Variants in FBLN1 observed in about 807,000 individuals in gnomAD.
FBLN1 encodes fibulin-1.
A neutral mutation model predicts 89.7 loss-of-function variants in FBLN1; 34 were observed. That is an observed-to-expected ratio of 0.38 (90% confidence interval 0.29 to 0.50). FBLN1 has a LOEUF of 0.50. FBLN1 is among the 20% of genes least tolerant of loss of function. The pLI, the probability that FBLN1 is intolerant of heterozygous loss-of-function variation, is 0.92. For missense variants in FBLN1, 777 were observed against 988.1 expected (o/e 0.79, Z 2.86); for synonymous variants, 393 against 391.3 (o/e 1.00, Z -0.05).
rs746935261 is a variant in FBLN1 at position 45,563,161 on chromosome 22, C to T, written c.1698-11350C>T. The stretch of plus-strand genomic sequence containing the variant: ...TGGTGGCCCTCACCAAGCCTGTCCC[C>T]GAGCCCAGGGACTTGCTCCTGACCG... On this transcript the variant is annotated intron_variant, in intron 14 of 16. Transcript: ENST00000327858. This position sits in a 1 kb window ranked among gnomAD's most constrained non-coding sequence, Gnocchi z 5.7. 51 of 1,613,564 alleles carry T rather than the reference C, an allele frequency of 3.2e-5. No homozygotes were observed. The highest frequency in any genetic ancestry group is 3.6e-5 in the Non-Finnish European group (43 of 1,180,016).
intron 16 of FBLN1, among the ~76,000 whole-genome samples, chr22:45,598,806 G>A (rs950787975): frequency 6.6e-6 from 1 of 152,252 alleles, no homozygotes; most frequent in Non-Finnish European, 1.5e-5. Context: ...AGCTGGAGCT[G>A]ATGCCTTGGC....
chr22:45,532,329 C>G lies in FBLN1; in HGVS notation c.545-734C>G, dbSNP rs144739269. Among the ~76,000 whole-genome samples, 10 of 152,240 alleles carry G rather than the reference C, an allele frequency of 6.6e-5. No homozygotes were observed. The highest frequency in any genetic ancestry group is 3.4e-3 in the Middle Eastern group (1 of 294). ...GCTGGGAAAATAACCCTGAAACGGT[C>G]CTCAGGGAGACCTGAAGCCTTGTAA... On this transcript the variant is annotated intron_variant, in intron 5 of 16. Coordinates refer to ENST00000327858, the MANE Select transcript of FBLN1 (RefSeq NM_006486.3). This position sits in a 1 kb window ranked among gnomAD's most constrained non-coding sequence, Gnocchi z 4.2.
At chr22:45,585,367 T>G (rs1266350367) in intron 16 of FBLN1, among the ~76,000 whole-genome samples, 1 of 152,194 alleles carries the variant, frequency 6.6e-6, no homozygotes, top group Non-Finnish European at 1.5e-5. Flanking sequence ...CCAGATCACC[T>G]CGTTAAAATT....
chr22:45,587,099 C>T (rs927912780), intron 16 of FBLN1, among the ~76,000 whole-genome samples: 35 of 152,152 alleles, frequency 2.3e-4, no homozygotes, highest in Admixed American at 1.9e-3. Context: ...GAGCACGTCA[C>T]GGAGCCTCTC....
chr22:45,546,442 C>G (rs554615433), intron 11 of FBLN1, among the ~76,000 whole-genome samples: 1 of 152,334 alleles, frequency 6.6e-6, no homozygotes, highest in Admixed American at 6.5e-5. Flanking sequence ...TCTCGAACCC[C>G]TGACCTCGTG....
rs1189298736 is a variant in FBLN1 at position 45,581,186 on chromosome 22, C to T, written c.1972+4078C>T. Among the ~76,000 whole-genome samples the T allele has an allele frequency of 2.6e-5, 4 of 152,102 alleles. No homozygotes were observed. The highest frequency in any genetic ancestry group is 6.5e-5 in the Admixed American group (1 of 15,282). On this transcript the variant is annotated intron_variant, in intron 16 of 16. Coordinates refer to ENST00000327858, the MANE Select transcript of FBLN1 (RefSeq NM_006486.3). This position sits in a 1 kb window ranked among gnomAD's most constrained non-coding sequence, Gnocchi z 7.6. ...GGGCGGGCTGTGTATCATCAGCGTG[C>T]GGAAGAGAGAGACAGAAAGGCAACT...
Position 45,530,416 on chromosome 22 carries a change from T to C in FBLN1, c.485-849T>C, listed in dbSNP as rs955554926. Among the ~76,000 whole-genome samples, 1 of 152,094 alleles carries C rather than the reference T, an allele frequency of 6.6e-6. No individual in the cohort carries two copies. Among genetic ancestry groups the C allele is most frequent in the African/African-American group, 2.4e-5 (1 of 41,426 alleles). ...CGCATGCTCCCTCCTCTGGGAGGGC[T>C]TCCTGTCTTCACAGCCGCACCTTCC... On this transcript the variant is annotated intron_variant, in intron 4 of 16. Coordinates refer to ENST00000327858, the MANE Select transcript of FBLN1 (RefSeq NM_006486.3). This position sits in a 1 kb window ranked among gnomAD's most constrained non-coding sequence, Gnocchi z 5.4.
Position 45,590,631 on chromosome 22 carries a change from G to T in FBLN1, c.1973-9676G>T, listed in dbSNP as rs1322897474. Among the ~76,000 whole-genome samples the T allele has an allele frequency of 6.6e-6, 1 of 152,180 alleles. No homozygotes were observed. Among genetic ancestry groups the T allele is most frequent in the South Asian group, 2.1e-4 (1 of 4,828 alleles). On this transcript the variant is annotated intron_variant, in intron 16 of 16. Transcript: ENST00000327858. The surrounding 1 kb of genome is among the most constrained non-coding windows in gnomAD (Gnocchi z 4.1). ...GTGGTACACGTGTTCAGGTAGATGC[G>T]ACGAGGCCGGAACTGAGGCCAGGTG... is the stretch of plus-strand genomic sequence containing the variant.
In FBLN1 at chr22:45,588,443, A is replaced by G. The variant is rs2089106762; in HGVS notation, c.1972+11335A>G. Among the ~76,000 whole-genome samples, 1 of 152,184 alleles carries G rather than the reference A, an allele frequency of 6.6e-6. No homozygotes were observed. The highest frequency in any genetic ancestry group is 2.4e-5 in the African/African-American group (1 of 41,434). The stretch of plus-strand genomic sequence containing the variant: ...CAATTCCACCAAACAATTCCTAGAC[A>G]GAAGAGCCTCCAGGGGTTTATTCGT... On this transcript the variant is annotated intron_variant, in intron 16 of 16. Coordinates refer to ENST00000327858, the MANE Select transcript of FBLN1 (RefSeq NM_006486.3). This position sits in a 1 kb window ranked among gnomAD's most constrained non-coding sequence, Gnocchi z 5.1.
At chr22:45,595,463 T>A (rs1179220753) in intron 16 of FBLN1, among the ~76,000 whole-genome samples, 2 of 152,150 alleles carry the variant, frequency 1.3e-5, no homozygotes, top group Non-Finnish European at 2.9e-5. Flanking sequence ...CCATCAGTGA[T>A]TCAGCCTAGC....
rs1220390229 is a variant in FBLN1 at position 45,597,348 on chromosome 22, C to T, written c.1973-2959C>T. ...TTGCTTGTGGAGGTGCCTGCCATTCCTCCCTACAGTGATTCACAGGCTCAC... is the reference window on the plus strand; with the variant it reads ...TTGCTTGTGGAGGTGCCTGCCATTCTTCCCTACAGTGATTCACAGGCTCAC... On this transcript the variant is annotated intron_variant, in intron 16 of 16. Transcript: ENST00000327858. The surrounding 1 kb of genome is among the most constrained non-coding windows in gnomAD (Gnocchi z 4.2). Among the ~76,000 whole-genome samples, 2 of 152,154 alleles carry T rather than the reference C, an allele frequency of 1.3e-5. No homozygotes were observed. The highest frequency in any genetic ancestry group is 4.8e-5 in the African/African-American group (2 of 41,422).
intron 4 of FBLN1, among the ~76,000 whole-genome samples, chr22:45,528,848 G>A (rs375280457): frequency 1.3e-5 from 2 of 152,266 alleles, no homozygotes; most frequent in African/African-American, 2.4e-5. Context: ...TCTGAAAGCC[G>A]CTGTCCTGGA....
rs377129972 is a variant in FBLN1, at chr22:45,533,016, G to A, written c.545-47G>A. On this transcript the variant is annotated intron_variant, in intron 5 of 16. Transcript: ENST00000327858. The stretch of plus-strand genomic sequence containing the variant: ...GCCTGAACGGAGCTAGAAACCAGGC[G>A]GTGCCTGGGTGCGTCCATCCCTGGC... The A allele has an allele frequency of 2.8e-5, 43 of 1,528,904 alleles. No individual in the cohort carries two copies. The East Asian group carries it at 5.2e-4, about 18-fold the overall frequency. 94.7% of individuals were successfully genotyped at this position (1,528,904 alleles called of 1,614,324 possible).
In FBLN1 at chr22:45,541,307, G is replaced by A; in HGVS notation, c.1001G>A (p.Cys334Tyr). ...ATCAACACAGAGGGCTCCTACACGT[G>A]CCAGAAGAACGTGCCCAACTGTGGC... ...TCINTEGSYT[C>Y]QKNVPNCGRG... The change falls in exon 9 of 17, where the codon TGC (cysteine) becomes TAC (tyrosine). Residue 334 changes from cysteine (C) to tyrosine (Y), a missense_variant. Coordinates refer to ENST00000327858, the MANE Select transcript of FBLN1 (RefSeq NM_006486.3). 6.2e-7 allele frequency: 1 copy of A among 1,614,254 alleles called. No homozygotes were observed. The highest frequency in any genetic ancestry group is 8.5e-7 in the Non-Finnish European group (1 of 1,180,034).
At chr22:45,598,045 C>G (rs527800077) in intron 16 of FBLN1, among the ~76,000 whole-genome samples, 1 of 152,350 alleles carries the variant, frequency 6.6e-6, no homozygotes, top group East Asian at 1.9e-4. Context: ...GATAGGCTGT[C>G]ACCGTGCACG....
intron 16 of FBLN1, among the ~76,000 whole-genome samples, chr22:45,589,230 A>C (rs56196568): frequency 0.36 from 53,939 of 151,714 alleles, 11,709 homozygotes; most frequent in Admixed American, 0.52. Context: ...GGCACACAGG[A>C]GCTTCCAGGC....
At chr22:45,533,935 C>A (rs1254622959) in intron 7 of FBLN1, 37 bp downstream of exon 7, 1 of 1,612,760 alleles carries the variant, frequency 6.2e-7, no homozygotes, top group Non-Finnish European at 8.5e-7. Context: ...ACCTGGTCTT[C>A]CAGGCGTAGA....
chr22:45,523,095 G>T (rs756695729), intron 2 of FBLN1: 1 of 768,444 alleles, frequency 1.3e-6, no homozygotes, highest in African/African-American at 1.7e-5. Flanking sequence ...TTTTAGAGCC[G>T]TGGGGTTGGC....
chr22:45,559,882 C>G (rs1211368015), intron 14 of FBLN1, among the ~76,000 whole-genome samples: 1 of 152,208 alleles, frequency 6.6e-6, no homozygotes, highest in Admixed American at 6.5e-5. Context: ...GGTCCTTCCT[C>G]AAGAGGACCC....
Sources: allele counts gnomAD v4.1 joint callset (sites outside exome capture counted in the v4.1 genomes callset), GRCh38; gene constraint gnomAD v4.1.1; non-coding constraint Gnocchi (gnomAD v3.1); transcripts MANE v1.5; gene names NCBI Gene and HGNC (gene_info 2026-07-23, HGNC 2026-07-21).